Variants in OPA1 observed in about 807,000 individuals in gnomAD.
The protein encoded by OPA1 is dynamin-like GTPase OPA1, mitochondrial.
Under a neutral mutation model 152.9 loss-of-function variants are expected in OPA1, and 59 were observed. That is an observed-to-expected ratio of 0.39 (90% CI 0.31 to 0.48). The LOEUF is 0.48. OPA1 is among the 20% of genes least tolerant of loss of function. The pLI is 0.96. For synonymous variants in OPA1, 400 were observed against 389.9 expected (o/e 1.03, Z -0.31); for missense variants, 1,008 against 1,216.8 (o/e 0.83, Z 2.55).
intron 18 of OPA1, among the ~76,000 whole-genome samples, chr3:193,646,044 CA>C (rs1372341175): frequency 2.8e-5 from 4 of 142,310 alleles, no homozygotes; most frequent in African/African-American, 1.0e-4. Flanking sequence ...CACTGAAAGA[CA>C]ACATAGATAT....
chr3:193,603,938 A>G (rs1726841058), intron 1 of OPA1, among the ~76,000 whole-genome samples: 1 of 152,216 alleles, frequency 6.6e-6, no homozygotes, highest in Admixed American at 6.5e-5. Context: ...AGCAGCATTA[A>G]GTAGATTACA....
intron 16 of OPA1, 47 bp downstream of exon 16, chr3:193,644,152 C>A (rs1011666087): frequency 6.2e-7 from 1 of 1,605,138 alleles, no homozygotes; most frequent in Admixed American, 1.7e-5. Flanking sequence ...TGTAAAAGCT[C>A]CAGCTGTGAT....
intron 29 of OPA1, among the ~76,000 whole-genome samples, chr3:193,683,370 G>A (rs1225162051): frequency 2.0e-5 from 3 of 151,568 alleles, no homozygotes; most frequent in Non-Finnish European, 2.9e-5. Context: ...TGAAATGGCA[G>A]TAAAGGATTT....
intron 16 of OPA1, among the ~76,000 whole-genome samples, chr3:193,645,079 G>A (rs896610848): frequency 6.6e-6 from 1 of 151,872 alleles, no homozygotes; most frequent in African/African-American, 2.4e-5. Context: ...TAAAGAAGAA[G>A]GTGGGAGGGG....
chr3:193,681,179 A>G (rs1203145487), intron 29 of OPA1, among the ~76,000 whole-genome samples: 2 of 152,214 alleles, frequency 1.3e-5, no homozygotes, highest in African/African-American at 4.8e-5. Flanking sequence ...GAAATTATTT[A>G]TGCAAGGTTT....
intron 10 of OPA1, 87 bp from the exon 11 acceptor site, chr3:193,637,865 A>G: frequency 1.8e-6 from 2 of 1,119,772 alleles, no homozygotes; most frequent in Non-Finnish European, 2.7e-6. Context: ...TAAAAGACTA[A>G]AAAACTCAGA....
chr3:193,643,669 T>C (rs777520657), intron 15 of OPA1, 42 bp downstream of exon 15: 102 of 1,502,418 alleles, frequency 6.8e-5, no homozygotes, highest in Non-Finnish European at 8.8e-5. Flanking sequence ...ATATGTTTTC[T>C]TCTTTAGCAA....
chr3:193,666,975 G>A (rs1716703804), intron 28 of OPA1, among the ~76,000 whole-genome samples, 195 bp from the exon 29 acceptor site: 1 of 152,082 alleles, frequency 6.6e-6, no homozygotes, highest in Non-Finnish European at 1.5e-5. Context: ...TTAAGAATAT[G>A]ACATTCTCTG....
chr3:193,668,449 C>T lies in OPA1; in HGVS notation c.2983+1169C>T, dbSNP rs112472068. The T allele has an allele frequency of 3.9e-6, 6 of 1,550,502 alleles. No homozygotes were observed. In the African/African-American group the frequency reaches 5.5e-5, roughly 14 times the overall value. On this transcript the variant is annotated intron_variant, in intron 29 of 30. Transcript: ENST00000361510. ...CCAGGTTGCTCTTCGTCATGGAGTC[C>T]CTTTTACTGAGCTCTGCTCTGACGC...
chr3:193,654,496 TC>T (rs1242623862), intron 21 of OPA1, among the ~76,000 whole-genome samples: 2 of 140,414 alleles, frequency 1.4e-5, no homozygotes, highest in African/African-American at 2.7e-5. Flanking sequence ...CAAGACCCTG[TC>T]TCAAAAAAAA....
At position 193,654,913 on chromosome 3, in the gene OPA1, T is replaced by C. The variant is rs760674582; in HGVS notation, c.2064T>C (p.Ile688=). 9 of 1,613,846 alleles carry C rather than the reference T, an allele frequency of 5.6e-6. No individual in the cohort carries two copies. In the East Asian group the frequency reaches 1.8e-4, roughly 32 times the overall value. The part of the protein sequence containing the change: ...SLWERVSTHV[I]ENIYLPAAQT... The stretch of plus-strand genomic sequence containing the variant: ...GGGAAAGAGTATCAACTCATGTGAT[T>C]GAAAACATCTACCTTCCAGCTGCGC... Residue 688 remains isoleucine, a synonymous_variant, in exon 22 of 31, where the codon ATT becomes ATC. Coordinates refer to ENST00000361510, the MANE Select transcript of OPA1 (RefSeq NM_130837.3).
chr3:193,658,952 T>G lies in OPA1; in HGVS notation c.2397T>G (p.Ala799=). ...SISDKQQWDA[A]IYFMEEALQA... ...CTGATAAACAGCAATGGGATGCAGC[T>G]ATTTATTTTATGGAAGAGGCTCTGC... The change falls in exon 24 of 31, where the codon GCT becomes GCG. Residue 799 remains alanine, a synonymous_variant. Transcript: ENST00000361510. 1 of 1,613,962 alleles carries G rather than the reference T, an allele frequency of 6.2e-7. No individual in the cohort carries two copies. The highest frequency in any genetic ancestry group is 8.5e-7 in the Non-Finnish European group (1 of 1,179,864).
At chr3:193,691,291 G>T (rs1377742839) in intron 29 of OPA1, 1 of 152,208 alleles carries the variant, frequency 6.6e-6, no homozygotes, top group Non-Finnish European at 1.5e-5. Context: ...TTTAAGAGGG[G>T]ATTGGCATGT....
chr3:193,662,664 G>T (rs1577319053), intron 25 of OPA1, among the ~76,000 whole-genome samples, 158 bp from the exon 26 acceptor site: 1 of 51,048 alleles, frequency 2.0e-5, no homozygotes, highest in African/African-American at 6.7e-5. Context: ...TTCATAAGCC[G>T]GGGTGCTGTG....
At chr3:193,631,770 G>C in intron 8 of OPA1, 105 bp downstream of exon 8, 1 of 921,018 alleles carries the variant, frequency 1.1e-6, no homozygotes, top group Admixed American at 1.8e-5. Context: ...AATTTGGAAG[G>C]TGTAATGATA....
chr3:193,611,123 T>G (rs1470670603), intron 1 of OPA1, among the ~76,000 whole-genome samples: 2 of 152,210 alleles, frequency 1.3e-5, no homozygotes, highest in Non-Finnish European at 2.9e-5. Flanking sequence ...GTTTTCTGCG[T>G]CGCTCAAGCT....
chr3:193,593,609 C>T (rs1725003900), intron 1 of OPA1, among the ~76,000 whole-genome samples, 200 bp downstream of exon 1: 1 of 152,102 alleles, frequency 6.6e-6, no homozygotes, highest in Non-Finnish European at 1.5e-5. Context: ...AATACTGGCC[C>T]TTTTCTCTGG....
At chr3:193,627,995 A>C (rs1440017217) in intron 7 of OPA1, among the ~76,000 whole-genome samples, 1 of 152,062 alleles carries the variant, frequency 6.6e-6, no homozygotes, top group African/African-American at 2.4e-5. Flanking sequence ...TTTATAGTGA[A>C]ATTATCCCTC....
intron 29 of OPA1, among the ~76,000 whole-genome samples, chr3:193,680,361 G>A (rs779216780): frequency 3.3e-5 from 5 of 152,190 alleles, no homozygotes; most frequent in African/African-American, 4.8e-5. Context: ...ATGAGGAACA[G>A]CGTTTGTCTT....
Sources: gnomAD v4.1 joint callset for allele counts (sites outside exome capture counted in the v4.1 genomes callset) on GRCh38, gnomAD v4.1.1 for gene constraint, MANE v1.5 for transcripts, NCBI Gene and HGNC (gene_info 2026-07-23, HGNC 2026-07-21) for gene names.